Variants in CDX1 observed in about 807,000 individuals in gnomAD.
CDX1 encodes the protein homeobox protein CDX-1.
CDX1 carries 9 observed loss-of-function variants against 16.9 expected under a neutral mutation model. That is an observed-to-expected ratio of 0.53 (90% CI 0.32 to 0.93). CDX1 has a LOEUF of 0.93. Ranked by LOEUF, CDX1 falls within the 40% of genes least tolerant of loss-of-function variation. The probability of loss-of-function intolerance (pLI) is 0.04; values close to 1 mark genes in which losing one functional copy is unlikely to be tolerated. For synonymous variants in CDX1, 179 were observed against 179.0 expected (o/e 1.00, Z 0.00); for missense variants, 393 against 386.1 (o/e 1.02, Z -0.15).
At position 150,166,956 on chromosome 5, in the gene CDX1, C is replaced by T. The variant is rs1761428399; in HGVS notation, c.80C>T (p.Pro27Leu). 2.7e-6 allele frequency: 4 copies of T among 1,483,760 alleles called. No homozygotes were observed. Among genetic ancestry groups the T allele is most frequent in the South Asian group, 1.3e-5 (1 of 76,510 alleles). 91.9% of individuals were successfully genotyped at this position (1,483,760 alleles called of 1,614,324 possible). A position where few individuals can be genotyped will look rare whatever the true frequency, so the allele number is the denominator to read the frequency against. ...PARPASLGLG[P>L]QAYGPPAPPP... ...AGGCCAGCCAGCCTCGGCCTGGGCC[C>T]GCAAGCCTACGGCCCCCCGGCCCCG... The change falls in exon 1 of 3, where the codon CCG becomes CTG. Residue 27 changes from proline to leucine, a missense_variant. Pro to Leu is a moderately conservative substitution (Grantham distance 98, BLOSUM62 -3). Coordinates refer to ENST00000231656, the MANE Select transcript of CDX1 (RefSeq NM_001804.3).
chr5:150,179,133 A>G (rs373727347), intron 1 of CDX1, among the ~76,000 whole-genome samples: 47 of 152,300 alleles, frequency 3.1e-4, no homozygotes, highest in African/African-American at 1.1e-3. Flanking sequence ...GGCGCTAAGG[A>G]GGATGTTTCA....
chr5:150,181,079 AAAACCC>A (rs1752403623), intron 1 of CDX1, among the ~76,000 whole-genome samples: 1 of 152,108 alleles, frequency 6.6e-6, no homozygotes, highest in Non-Finnish European at 1.5e-5. Flanking sequence ...CAGACAGAGG[AAAACCC>A]AGAGTCCCTC....
At chr5:150,171,009 G>A (rs573748966) in intron 1 of CDX1, among the ~76,000 whole-genome samples, 2 of 152,258 alleles carry the variant, frequency 1.3e-5, no homozygotes, top group East Asian at 3.9e-4. Context: ...GCCCATTGGG[G>A]TGGCTGAGGT....
At chr5:150,175,577 G>C (rs1289301555) in intron 1 of CDX1, among the ~76,000 whole-genome samples, 6 of 152,210 alleles carry the variant, frequency 3.9e-5, no homozygotes. Context: ...CTCAGGGCTT[G>C]AGTGAGGAAC....
chr5:150,167,112 G>C lies in CDX1; in HGVS notation c.236G>C (p.Gly79Ala). Reference sequence around the variant, plus strand: ...GACTGGGCCGCCGCCTACGGCCCGGGCCCCGCGGCCCCTGCCGCCAGCCCA... The same window carrying C: ...GACTGGGCCGCCGCCTACGGCCCGGCCCCCGCGGCCCCTGCCGCCAGCCCA... ...KDDWAAAYGP[G>A]PAAPAASPAS... The change falls in exon 1 of 3, where the codon GGC becomes GCC. Residue 79 changes from glycine to alanine, a missense_variant. Physicochemically the swap from Gly to Ala is moderately conservative, Grantham distance 60. Transcript: ENST00000231656. 7.5e-7 allele frequency: 1 copy of C among 1,339,678 alleles called. No individual in the cohort carries two copies. The allele number at this position is 1,339,678 out of a possible 1,614,324, so 83.0% of individuals were successfully genotyped here.
rs11955213 is a variant in CDX1 at position 150,169,416 on chromosome 5, G to C, written c.445+2095G>C. Among the ~76,000 whole-genome samples, 909 of 152,126 alleles carry C rather than the reference G, an allele frequency of 6.0e-3. 8 individuals are homozygous for C. The highest frequency in any genetic ancestry group is 0.021 in the African/African-American group (872 of 41,486). ...AGAAGGAGGTCTGGGGGTTCCCAAG[G>C]CTCCAGGAAAGGGACTTCCCTGGAG... On this transcript the variant is annotated intron_variant, in intron 1 of 2. Transcript: ENST00000231656.
intron 1 of CDX1, among the ~76,000 whole-genome samples, chr5:150,172,361 C>T: frequency 6.6e-6 from 1 of 152,120 alleles, no homozygotes; most frequent in African/African-American, 2.4e-5. Flanking sequence ...AGGCACTGTG[C>T]CAATAACTTT....
chr5:150,179,593 A>G (rs988646851), intron 1 of CDX1, among the ~76,000 whole-genome samples: 2 of 152,164 alleles, frequency 1.3e-5, no homozygotes, highest in African/African-American at 4.8e-5. Context: ...CAGAAGAGGC[A>G]GGAGTGGGTG....
At chr5:150,169,406 G>C (rs1761475426) in intron 1 of CDX1, among the ~76,000 whole-genome samples, 1 of 151,992 alleles carries the variant, frequency 6.6e-6, no homozygotes, top group Non-Finnish European at 1.5e-5. Context: ...GAGGTCTGGG[G>C]GTTCCCAAGG....
rs1310457428 is a variant in CDX1, at chr5:150,166,811, C to A, written c.-66C>A. 2 of 1,193,826 alleles carry A rather than the reference C, an allele frequency of 1.7e-6. No individual in the cohort carries two copies. The highest frequency in any genetic ancestry group is 6.4e-5 in the East Asian group (2 of 31,108). The allele number at this position is 1,193,826 out of a possible 1,614,324, so 74.0% of individuals were successfully genotyped here. On this transcript the variant is annotated 5_prime_UTR_variant, in exon 1 of 3. Transcript: ENST00000231656. ...AGCCGAGTTCAGGTGAGCGGTTGCT[C>A]GTCGTCGGGGCGGCCGGCAGCGGCG...
chr5:150,171,500 T>G (rs1458125291), intron 1 of CDX1, among the ~76,000 whole-genome samples: 1 of 152,188 alleles, frequency 6.6e-6, no homozygotes, highest in Non-Finnish European at 1.5e-5. Context: ...CATGCCCGGC[T>G]AATTTTTTTG....
At chr5:150,176,101 C>G (rs574011334) in intron 1 of CDX1, among the ~76,000 whole-genome samples, 1 of 152,214 alleles carries the variant, frequency 6.6e-6, no homozygotes, top group Non-Finnish European at 1.5e-5. Context: ...AACACCCAGC[C>G]TTTCCCAAAC....
intron 1 of CDX1, among the ~76,000 whole-genome samples, chr5:150,169,594 G>A (rs1013762845): frequency 6.6e-6 from 1 of 152,240 alleles, no homozygotes; most frequent in Admixed American, 6.5e-5. Flanking sequence ...CCCTGAGAGA[G>A]AGGCCAAGCC....
chr5:150,184,201 C>G lies in CDX1; in HGVS notation c.*521C>G, dbSNP rs908412760. ...CACTGAGCCCTTCCCAGGCTGGATACTAAGCACAAAGCCCATAGCACTGGG... is the reference window on the plus strand; with the variant it reads ...CACTGAGCCCTTCCCAGGCTGGATAGTAAGCACAAAGCCCATAGCACTGGG... On this transcript the variant is annotated 3_prime_UTR_variant, in exon 3 of 3. Transcript: ENST00000231656. 2.6e-5 allele frequency: 4 copies of G among 152,466 alleles called. No homozygotes were observed. The highest frequency in any genetic ancestry group is 7.2e-5 in the African/African-American group (3 of 41,476). 9.4% of individuals were successfully genotyped at this position (152,466 alleles called of 1,614,324 possible). A position where few individuals can be genotyped will look rare whatever the true frequency, so the allele number is the denominator to read the frequency against.
At chr5:150,171,146 C>G (rs1033485339) in intron 1 of CDX1, among the ~76,000 whole-genome samples, 2 of 152,130 alleles carry the variant, frequency 1.3e-5, no homozygotes, top group Admixed American at 6.5e-5. Context: ...CCCCTCCCCC[C>G]ACATTGCAGG....
intron 1 of CDX1, among the ~76,000 whole-genome samples, chr5:150,168,416 C>T (rs2113947219): frequency 6.6e-6 from 1 of 152,298 alleles, no homozygotes; most frequent in South Asian, 2.1e-4. Context: ...TTTTGGAAGT[C>T]CCGGGGATAC....
intron 1 of CDX1, among the ~76,000 whole-genome samples, chr5:150,174,461 A>G (rs1361875064): frequency 6.6e-6 from 1 of 152,234 alleles, no homozygotes; most frequent in Non-Finnish European, 1.5e-5. Context: ...TGCAGCTAGT[A>G]GGCGTGTGCT....
At chr5:150,180,778 C>T (rs1036620972) in intron 1 of CDX1, among the ~76,000 whole-genome samples, 1 of 152,140 alleles carries the variant, frequency 6.6e-6, no homozygotes, top group Non-Finnish European at 1.5e-5. Flanking sequence ...AGGCCCCACA[C>T]AAGCCCAGGC....
intron 1 of CDX1, among the ~76,000 whole-genome samples, chr5:150,175,453 C>A (rs1236592767): frequency 6.6e-6 from 1 of 152,174 alleles, no homozygotes; most frequent in East Asian, 1.9e-4. Context: ...AGAACTCTAA[C>A]TAGGAAGGAG....
Sources: gnomAD v4.1 joint callset for allele counts (sites outside exome capture counted in the v4.1 genomes callset) on GRCh38, gnomAD v4.1.1 for gene constraint, MANE v1.5 for transcripts, NCBI Gene and HGNC (gene_info 2026-07-23, HGNC 2026-07-21) for gene names.